The following LMLN variants were observed in gnomAD, a reference collection of about 807,000 sequenced individuals.
LMLN encodes leishmanolysin like peptidase.
LMLN carries 70 observed loss-of-function variants against 92.3 expected under a neutral mutation model. The ratio of observed to expected loss-of-function variants is 0.76; its 90% CI spans 0.63 to 0.92. The LOEUF is 0.92. Among genes scored for constraint, LMLN ranks in the 40% least tolerant of loss-of-function variants. LMLN has a pLI of 0.00. For synonymous variants in LMLN, 308 were observed against 296.2 expected (o/e 1.04, Z -0.41); for missense variants, 691 against 814.6 (o/e 0.85, Z 1.85).
intron 13 of LMLN, among the ~76,000 whole-genome samples, 174 bp from the exon 15 acceptor site, chr3:198,024,484 G>A (rs1349979997): frequency 6.6e-6 from 1 of 151,876 alleles, no homozygotes; most frequent in African/African-American, 2.4e-5. Flanking sequence ...CAAAACCCTG[G>A]GATTACAGGC....
At chr3:197,981,495 G>C (rs1423913439) in intron 6 of LMLN, among the ~76,000 whole-genome samples, 3 of 152,218 alleles carry the variant, frequency 2.0e-5, no homozygotes, top group Admixed American at 2.0e-4. Flanking sequence ...TGTGAAGAAA[G>C]GTGTTAATAA....
At chr3:197,980,753 C>G in intron 6 of LMLN, 1 of 360,938 alleles carries the variant, frequency 2.8e-6, no homozygotes, top group African/African-American at 2.1e-5. Context: ...ACTTTTCTGC[C>G]TGCCGTTCCT....
In LMLN at chr3:198,028,540, G is replaced by A. The variant is rs534464501; in HGVS notation, c.1656+3752G>A. Among the ~76,000 whole-genome samples the A allele has an allele frequency of 7.9e-5, 12 of 152,336 alleles. No individual in the cohort carries two copies. The South Asian group carries it at 1.0e-3, about 13-fold the overall frequency. ...CTCTGTACAAAAGAGACCTTTAAGC[G>A]TGTGTTTTCATGTCAACCCTTTGTG... On this transcript the variant is annotated intron_variant, in intron 14 of 15. Transcript: ENST00000330198.
intron 1 of LMLN, among the ~76,000 whole-genome samples, chr3:197,967,244 A>G (rs1171714922): frequency 6.6e-6 from 1 of 151,996 alleles, no homozygotes. Flanking sequence ...TATCGGGGGA[A>G]CCCGCCCCCA....
chr3:198,020,524 G>A (rs1176144189), intron 12 of LMLN, among the ~76,000 whole-genome samples: 1 of 152,142 alleles, frequency 6.6e-6, no homozygotes, highest in Admixed American at 6.6e-5. Context: ...ATAAGTTGGT[G>A]GAAAACGTGA....
At chr3:197,990,772 A>T (rs1721844782) in intron 9 of LMLN, 96 bp downstream of exon 9, 1 of 603,434 alleles carries the variant, frequency 1.7e-6, no homozygotes, top group African/African-American at 1.9e-5. Flanking sequence ...AGAACTTATA[A>T]TTAGAGCCTA....
At chr3:197,980,997 G>A (rs957212275) in intron 6 of LMLN, among the ~76,000 whole-genome samples, 2 of 152,196 alleles carry the variant, frequency 1.3e-5, no homozygotes, top group African/African-American at 4.8e-5. Flanking sequence ...CAGCTACTCA[G>A]GGGGCTGAGG....
chr3:198,016,015 A>G (rs1280775854), intron 11 of LMLN, among the ~76,000 whole-genome samples: 6 of 151,898 alleles, frequency 4.0e-5, no homozygotes, highest in East Asian at 1.9e-4. Context: ...ACTGGGCAAC[A>G]TGACCCCATC....
chr3:198,007,046 G>T (rs541333479), intron 11 of LMLN, among the ~76,000 whole-genome samples: 1 of 151,006 alleles, frequency 6.6e-6, no homozygotes, highest in South Asian at 2.1e-4. Context: ...GTTGAGTTTT[G>T]AGAGTTCTTC....
intron 11 of LMLN, among the ~76,000 whole-genome samples, chr3:198,014,773 C>G (rs557054470): frequency 2.2e-5 from 3 of 135,222 alleles, no homozygotes; most frequent in African/African-American, 8.7e-5. Flanking sequence ...TTCAGAGCCC[C>G]CTAACTAGTC....
At chr3:197,976,777 C>A in intron 5 of LMLN, 62 bp downstream of exon 5, 1 of 820,352 alleles carries the variant, frequency 1.2e-6, no homozygotes, top group Non-Finnish European at 1.8e-6. Flanking sequence ...TTGTGAGTGT[C>A]ACAGAATTTT....
At chr3:198,022,437 A>G (rs1255928594) in intron 13 of LMLN, among the ~76,000 whole-genome samples, 1 of 152,158 alleles carries the variant, frequency 6.6e-6, no homozygotes, top group African/African-American at 2.4e-5. Flanking sequence ...CCCCCACCCC[A>G]TTCCATACTT....
Position 197,968,166 on chromosome 3 carries a change from G to A in LMLN, c.220-6211G>A, listed in dbSNP as rs547108160. On this transcript the variant is annotated intron_variant, in intron 1 of 15. Coordinates refer to ENST00000330198, the Ensembl canonical transcript of LMLN. ...ATTAAGAGATTAAAGTAAGACAGGC[G>A]TAAGAAGTTATAAGAGTACACTGGG... 8.5e-5 allele frequency among the ~76,000 whole-genome samples: 13 copies of A among 152,212 alleles called. No individual in the cohort carries two copies. In the South Asian group the frequency reaches 1.0e-3, roughly 12 times the overall value.
chr3:197,969,859 A>G (rs992044081), intron 1 of LMLN, among the ~76,000 whole-genome samples: 2 of 152,196 alleles, frequency 1.3e-5, no homozygotes, highest in South Asian at 4.1e-4. Flanking sequence ...AAACCTCACA[A>G]TTAGGCCAGC....
chr3:198,016,447 A>G (rs1302514039), intron 11 of LMLN, among the ~76,000 whole-genome samples: 1 of 152,218 alleles, frequency 6.6e-6, no homozygotes, highest in Non-Finnish European at 1.5e-5. Context: ...AATCGTCTAC[A>G]GAACTGGAAA....
chr3:197,975,137 T>A (rs1721333784), intron 3 of LMLN, 65 bp downstream of exon 3: 2 of 897,022 alleles, frequency 2.2e-6, no homozygotes, highest in Non-Finnish European at 3.6e-6. Context: ...AAATTCTACT[T>A]CAGTAAAGAA....
At chr3:198,014,698 C>T (rs1329599338) in intron 11 of LMLN, among the ~76,000 whole-genome samples, 2 of 144,438 alleles carry the variant, frequency 1.4e-5, no homozygotes, top group African/African-American at 2.6e-5. Flanking sequence ...CTTCAGAGCC[C>T]CCTAACTAGT....
intron 14 of LMLN, among the ~76,000 whole-genome samples, chr3:198,030,693 CAT>C (rs924163976): frequency 2.4e-4 from 37 of 152,338 alleles, no homozygotes; most frequent in African/African-American, 8.7e-4. Context: ...CTGTCTCTCT[CAT>C]ATTGGATCCC....
At chr3:197,988,729 T>G (rs1721783163) in intron 8 of LMLN, among the ~76,000 whole-genome samples, 1 of 152,186 alleles carries the variant, frequency 6.6e-6, no homozygotes, top group African/African-American at 2.4e-5. Context: ...TTACCCAGGC[T>G]GGAGTGCTGT....
Sources: gnomAD v4.1 joint callset for allele counts (sites outside exome capture counted in the v4.1 genomes callset) on GRCh38, gnomAD v4.1.1 for gene constraint, MANE v1.5 for transcripts, NCBI Gene and HGNC (gene_info 2026-07-23, HGNC 2026-07-21) for gene names.